The following PDE8B variants were observed in gnomAD, a reference collection of about 807,000 sequenced individuals.
The protein encoded by PDE8B is high affinity cAMP-specific and IBMX-insensitive 3',5'-cyclic phosphodiesterase 8B.
In PDE8B, 26 loss-of-function variants were observed where a neutral mutation model predicts 101.3. That is an observed-to-expected ratio of 0.26 (90% CI 0.19 to 0.36). The LOEUF is 0.36. Ranked by LOEUF, PDE8B falls within the 10% of genes least tolerant of loss-of-function variation. The pLI is 1.00. For synonymous variants in PDE8B, 424 were observed against 429.3 expected, an observed-to-expected ratio of 0.99 and a Z score of 0.15; for missense variants, 810 against 1,163.1, an observed-to-expected ratio of 0.70 and a Z score of 4.42.
chr5:77,294,816 C>T (rs1268731967), intron 1 of PDE8B, among the ~76,000 whole-genome samples: 1 of 148,632 alleles, frequency 6.7e-6, no homozygotes, highest in African/African-American at 2.5e-5. Flanking sequence ...GCAAGACAGG[C>T]AAAGGAGCTC....
intron 21 of PDE8B, chr5:77,426,145 C>T (rs117057061): frequency 1.1e-4 from 65 of 593,258 alleles, no homozygotes; most frequent in South Asian, 6.7e-4. Flanking sequence ...TCAAAGGACA[C>T]GCTGCCAAAG....
At chr5:77,290,144 G>A (rs1369237061) in intron 1 of PDE8B, 2 of 1,282,278 alleles carry the variant, frequency 1.6e-6, no homozygotes, top group Non-Finnish European at 2.2e-6. Flanking sequence ...TCCACGTGTG[G>A]AAAATGAATT....
At chr5:77,423,634 T>G (rs943663055) in intron 20 of PDE8B, among the ~76,000 whole-genome samples, 1 of 31,660 alleles carries the variant, frequency 3.2e-5, no homozygotes, top group Non-Finnish European at 5.4e-5. Context: ...TTTGTTTAGT[T>G]TTTTTTTTTT....
At chr5:77,175,096 C>T in the PDE8B span, among the ~76,000 whole-genome samples, 1 of 152,148 alleles carries the variant, frequency 6.6e-6, no homozygotes, top group Non-Finnish European at 1.5e-5. Flanking sequence ...CACATCCAAC[C>T]CATCACAGGT....
chr5:77,253,972 A>G (rs752933932), intron 1 of PDE8B, among the ~76,000 whole-genome samples: 8 of 152,000 alleles, frequency 5.3e-5, no homozygotes, highest in Non-Finnish European at 8.8e-5. Flanking sequence ...TATTACTGAT[A>G]TGAAGTATGC....
intron 1 of PDE8B, among the ~76,000 whole-genome samples, chr5:77,262,124 AG>A (rs1468154887): frequency 4.6e-5 from 7 of 152,146 alleles, no homozygotes; most frequent in East Asian, 1.9e-4. Context: ...TCATATGTAC[AG>A]TGTGACCAGT....
At chr5:77,399,584 C>T (rs549129940) in intron 10 of PDE8B, among the ~76,000 whole-genome samples, 2 of 152,284 alleles carry the variant, frequency 1.3e-5, no homozygotes, top group Middle Eastern at 3.4e-3. Context: ...AGTTATAAAA[C>T]AAGAAATGCA....
At chr5:77,222,743 C>A (rs1172224229) in intron 1 of PDE8B, among the ~76,000 whole-genome samples, 5 of 152,160 alleles carry the variant, frequency 3.3e-5, no homozygotes, top group Admixed American at 1.3e-4. Context: ...GACACTCCTA[C>A]TGGGAGAGCA....
chr5:77,161,781 T>C, the PDE8B span, among the ~76,000 whole-genome samples: 1 of 152,162 alleles, frequency 6.6e-6, no homozygotes, highest in Non-Finnish European at 1.5e-5. Flanking sequence ...TATCAACATT[T>C]AGTACTATAG....
intron 5 of PDE8B, among the ~76,000 whole-genome samples, chr5:77,334,133 T>C (rs1262145763): frequency 6.6e-6 from 1 of 152,260 alleles, no homozygotes; most frequent in African/African-American, 2.4e-5. Context: ...CCCAAGCACC[T>C]TTTCAAATAT....
chr5:77,163,472 G>T, the PDE8B span, among the ~76,000 whole-genome samples: 1 of 152,154 alleles, frequency 6.6e-6, no homozygotes, highest in Admixed American at 6.5e-5. Flanking sequence ...AAAAAAGGTG[G>T]TTATCTACTG....
chr5:77,161,743 G>C, the PDE8B span, among the ~76,000 whole-genome samples: 1 of 152,192 alleles, frequency 6.6e-6, no homozygotes, highest in Admixed American at 6.5e-5. Context: ...CACCAACATT[G>C]ATGAGCATTT....
chr5:77,388,642 A>T (rs1789246939), intron 10 of PDE8B, among the ~76,000 whole-genome samples: 1 of 152,166 alleles, frequency 6.6e-6, no homozygotes, highest in African/African-American at 2.4e-5. Flanking sequence ...TCAGGCCGGG[A>T]TGTTTAAGTC....
chr5:77,149,805 G>A, the PDE8B span, among the ~76,000 whole-genome samples: 1 of 152,166 alleles, frequency 6.6e-6, no homozygotes, highest in Non-Finnish European at 1.5e-5. Flanking sequence ...GCAAATAGAA[G>A]CAGTTTTAAT....
chr5:77,252,722 C>A (rs149700183), intron 1 of PDE8B, among the ~76,000 whole-genome samples: 58 of 152,268 alleles, frequency 3.8e-4, no homozygotes, highest in African/African-American at 1.3e-3. Flanking sequence ...TAAATATAAT[C>A]ATCTTATCAT....
At chr5:77,254,649 A>G (rs1580603760) in intron 1 of PDE8B, among the ~76,000 whole-genome samples, 1 of 152,276 alleles carries the variant, frequency 6.6e-6, no homozygotes, top group Non-Finnish European at 1.5e-5. Flanking sequence ...CAGTTGAACA[A>G]TGGTTGGAAC....
chr5:77,245,251 A>G (rs1377045413), intron 1 of PDE8B, among the ~76,000 whole-genome samples: 1 of 152,236 alleles, frequency 6.6e-6, no homozygotes, highest in Non-Finnish European at 1.5e-5. Flanking sequence ...AATTAGCGAA[A>G]TGTTATACAA....
intron 1 of PDE8B, among the ~76,000 whole-genome samples, chr5:77,294,815 G>C (rs896590105): frequency 4.0e-5 from 6 of 148,626 alleles, no homozygotes; most frequent in African/African-American, 1.2e-4. Flanking sequence ...TGCAAGACAG[G>C]CAAAGGAGCT....
Position 77,334,358 on chromosome 5 carries a change from T to C in PDE8B, c.709-2869T>C, listed in dbSNP as rs147053952. On this transcript the variant is annotated intron_variant, in intron 5 of 21. Coordinates refer to ENST00000264917, the MANE Select transcript of PDE8B (RefSeq NM_003719.5). Reference sequence around the variant, plus strand: ...CTGGAGCTATGTGTAAGCAGCCGACTATATAGATGCTAATTCCATGCTGAG... The same window carrying C: ...CTGGAGCTATGTGTAAGCAGCCGACCATATAGATGCTAATTCCATGCTGAG... Among the ~76,000 whole-genome samples, 841 of 152,346 alleles carry C rather than the reference T, an allele frequency of 5.5e-3. 6 individuals are homozygous for C. Among genetic ancestry groups the C allele is most frequent in the African/African-American group, 0.018 (752 of 41,582 alleles).
Sources: gnomAD v4.1 joint callset for allele counts (sites outside exome capture counted in the v4.1 genomes callset) on GRCh38, gnomAD v4.1.1 for gene constraint, MANE v1.5 for transcripts, NCBI Gene and HGNC (gene_info 2026-07-23, HGNC 2026-07-21) for gene names.